The following PTPRN2 variants were observed in gnomAD, a reference collection of about 807,000 sequenced individuals.
PTPRN2 encodes protein tyrosine phosphatase receptor type N2, also known as receptor-type tyrosine-protein phosphatase N2.
A neutral mutation model predicts 118.8 loss-of-function variants in PTPRN2; 74 were observed. That is an observed-to-expected ratio of 0.62 (90% CI 0.52 to 0.76). The LOEUF (loss-of-function observed/expected upper bound fraction) is 0.76, where lower values mean the gene tolerates loss of function less well. Ranked by LOEUF, PTPRN2 falls within the 30% of genes least tolerant of loss-of-function variation. The pLI is 0.00. For missense variants in PTPRN2, 1,481 were observed against 1,394.4 expected (o/e 1.06, Z -0.99); for synonymous variants, 641 against 608.0 (o/e 1.05, Z -0.80).
At chr7:158,316,715 G>T (rs532074234) in intron 3 of PTPRN2, 104 bp downstream of exon 3, 5 of 821,290 alleles carry the variant, frequency 6.1e-6, no homozygotes, top group Admixed American at 3.0e-5. Context: ...CACCACACTC[G>T]TGGATTCAGT....
intron 12 of PTPRN2, chr7:157,739,384 C>T (rs1800490713): frequency 6.6e-6 from 1 of 152,300 alleles, no homozygotes; most frequent in African/African-American, 2.4e-5. Flanking sequence ...CGGCATCTGC[C>T]TCCAGAGTCT....
chr7:158,546,506 G>A lies in PTPRN2; in HGVS notation c.112+41052C>T, dbSNP rs1362143463. 2.6e-5 allele frequency among the ~76,000 whole-genome samples: 4 copies of A among 152,218 alleles called. No individual in the cohort carries two copies. Among genetic ancestry groups the A allele is most frequent in the African/African-American group, 9.7e-5 (4 of 41,450 alleles). The stretch of plus-strand genomic sequence containing the variant: ...GTCCCAGGCGCCATGATGTCTAAGT[G>A]ACTATAGGGCCATGAAGAAGGGGCC... On this transcript the variant is annotated intron_variant, in intron 1 of 22. Coordinates refer to ENST00000389418, the MANE Select transcript of PTPRN2 (RefSeq NM_002847.5). This position sits in a 1 kb window ranked among gnomAD's most constrained non-coding sequence, Gnocchi z 5.0.
chr7:158,011,012 C>T (rs1585197308), intron 11 of PTPRN2, among the ~76,000 whole-genome samples: 1 of 152,234 alleles, frequency 6.6e-6, no homozygotes, highest in East Asian at 1.9e-4. Flanking sequence ...AGTTTGTAAA[C>T]ACAGACGGAA....
chr7:158,508,644 C>T (rs13244541), intron 1 of PTPRN2, among the ~76,000 whole-genome samples: 40 of 95,164 alleles, frequency 4.2e-4, no homozygotes, highest in Middle Eastern at 7.0e-3. Flanking sequence ...GAAGTGGCTC[C>T]GCTCCTGTGG....
chr7:158,278,383 G>A (rs1799180179), intron 3 of PTPRN2, among the ~76,000 whole-genome samples: 1 of 147,314 alleles, frequency 6.8e-6, no homozygotes, highest in Non-Finnish European at 1.5e-5. Context: ...CGTGAAGGTG[G>A]GCACCTGTAA....
At chr7:158,151,996 A>AC (rs1300767188) in intron 6 of PTPRN2, among the ~76,000 whole-genome samples, 1 of 151,754 alleles carries the variant, frequency 6.6e-6, no homozygotes, top group Non-Finnish European at 1.5e-5. Context: ...ACATGGTGAA[A>AC]CCCCGTCTCT....
chr7:157,636,789 C>T (rs1054381145), intron 14 of PTPRN2, among the ~76,000 whole-genome samples: 9 of 152,190 alleles, frequency 5.9e-5, no homozygotes. Context: ...GATTAAACTC[C>T]CCCAATTCTT....
At chr7:158,169,563 G>A (rs1823351623) in intron 5 of PTPRN2, among the ~76,000 whole-genome samples, 1 of 151,774 alleles carries the variant, frequency 6.6e-6, no homozygotes, top group Admixed American at 6.6e-5. Flanking sequence ...TTACAGGCGT[G>A]AGCCACCGCG....
At chr7:158,221,875 T>C (rs774244923) in intron 3 of PTPRN2, among the ~76,000 whole-genome samples, 2 of 152,036 alleles carry the variant, frequency 1.3e-5, no homozygotes, top group Non-Finnish European at 2.9e-5. Context: ...ACTTAAATTA[T>C]TCAACAAGAA....
chr7:158,466,235 G>A lies in PTPRN2; in HGVS notation c.163+23500C>T, dbSNP rs74450732. Among the ~76,000 whole-genome samples the A allele has an allele frequency of 1.6e-4, 24 of 152,164 alleles. 1 individual carries two copies. In the South Asian group the frequency reaches 3.9e-3, roughly 25 times the overall value. On this transcript the variant is annotated intron_variant, in intron 2 of 22. Coordinates refer to ENST00000389418, the MANE Select transcript of PTPRN2 (RefSeq NM_002847.5). ...TGTTGTTACTACATACAGTCCTCAC[G>A]CTGTGCATTAGGCCCCTGGGCTCAC...
At position 158,227,539 on chromosome 7, in the gene PTPRN2, C is replaced by A. The variant is rs1003874809; in HGVS notation, c.278-22266G>T. On this transcript the variant is annotated intron_variant, in intron 3 of 22. Transcript: ENST00000389418. ...ACCCCAGGTGGCGAGGAAGAAGTGT[C>A]GGGGAAAGGCGGTGGTCAGCACATT... Among the ~76,000 whole-genome samples, 24 of 152,146 alleles carry A rather than the reference C, an allele frequency of 1.6e-4. No homozygotes were observed. The South Asian group carries it at 5.0e-3, about 32-fold the overall frequency.
chr7:158,367,779 C>T (rs898820884), intron 2 of PTPRN2, among the ~76,000 whole-genome samples: 12 of 152,164 alleles, frequency 7.9e-5, no homozygotes, highest in African/African-American at 2.7e-4. Context: ...GCCCAGAGCC[C>T]ATCAGATGCT....
At chr7:158,128,284 C>G (rs1200049150) in intron 9 of PTPRN2, among the ~76,000 whole-genome samples, 1 of 152,212 alleles carries the variant, frequency 6.6e-6, no homozygotes, top group Non-Finnish European at 1.5e-5. Context: ...GAGACCTCAC[C>G]TAGTGCATCA....
At chr7:158,400,202 A>G (rs1812828956) in intron 2 of PTPRN2, among the ~76,000 whole-genome samples, 1 of 152,180 alleles carries the variant, frequency 6.6e-6, no homozygotes, top group Non-Finnish European at 1.5e-5. Flanking sequence ...GAATTTTGCC[A>G]AAAGAAATGA....
rs904332421 is a variant in PTPRN2 at position 157,974,057 on chromosome 7, AG to A, written c.1724-75321del. The stretch of plus-strand genomic sequence containing the variant: ...CTGCTGTTGACGTTGGCGGGGTAGC[AG>A]GTGTGGCCATAACATGGAGCACAGG... On this transcript the variant is annotated intron_variant, in intron 11 of 22. Coordinates refer to ENST00000389418, the MANE Select transcript of PTPRN2 (RefSeq NM_002847.5). This position sits in a 1 kb window ranked among gnomAD's most constrained non-coding sequence, Gnocchi z 4.0. Among the ~76,000 whole-genome samples the A allele has an allele frequency of 4.9e-4, 74 of 152,310 alleles. No individual in the cohort carries two copies. The highest frequency in any genetic ancestry group is 1.7e-3 in the African/African-American group (71 of 41,564).
Position 157,769,616 on chromosome 7 carries a change from C to T in PTPRN2, c.1789-86679G>A, listed in dbSNP as rs112670623. ...AAGATGTTGGGCTTGGCTTTAGCCA[C>T]GCCACGGGCTCCCTTGGTCCTGCAT... is the stretch of plus-strand genomic sequence containing the variant. On this transcript the variant is annotated intron_variant, in intron 12 of 22. Coordinates refer to ENST00000389418, the MANE Select transcript of PTPRN2 (RefSeq NM_002847.5). Among the ~76,000 whole-genome samples the T allele has an allele frequency of 2.1e-3, 321 of 152,322 alleles. 2 individuals are homozygous for T. Among genetic ancestry groups the T allele is most frequent in the African/African-American group, 6.9e-3 (285 of 41,570 alleles).
intron 14 of PTPRN2, among the ~76,000 whole-genome samples, chr7:157,631,582 C>T (rs556304104): frequency 1.4e-3 from 208 of 152,152 alleles, no homozygotes; most frequent in African/African-American, 4.9e-3. Context: ...CCTGTAATCC[C>T]AGCACTTTGG....
intron 12 of PTPRN2, among the ~76,000 whole-genome samples, chr7:157,852,253 T>A (rs1222154947): frequency 7.2e-5 from 11 of 152,226 alleles, no homozygotes; most frequent in East Asian, 1.9e-4. Flanking sequence ...AGGCACAGTA[T>A]TTTTTTAAAA....
At chr7:158,263,256 T>C (rs1251659751) in intron 3 of PTPRN2, among the ~76,000 whole-genome samples, 1 of 152,210 alleles carries the variant, frequency 6.6e-6, no homozygotes, top group African/African-American at 2.4e-5. Flanking sequence ...ATTTACACAC[T>C]TGTGCATGCA....
Sources: allele counts gnomAD v4.1 joint callset (sites outside exome capture counted in the v4.1 genomes callset), GRCh38; gene constraint gnomAD v4.1.1; non-coding constraint Gnocchi (gnomAD v3.1); transcripts MANE v1.5; gene names NCBI Gene and HGNC (gene_info 2026-07-23, HGNC 2026-07-21).